The following FRMD4B variants were observed in gnomAD, a reference collection of about 807,000 sequenced individuals.
FRMD4B encodes FERM domain containing 4B.
A neutral mutation model predicts 141.5 loss-of-function variants in FRMD4B; 74 were observed. That is an observed-to-expected ratio of 0.52 (90% CI 0.43 to 0.63). The LOEUF (loss-of-function observed/expected upper bound fraction) is 0.63, where lower values mean the gene tolerates loss of function less well. Ranked by LOEUF, FRMD4B falls within the 30% of genes least tolerant of loss-of-function variation. FRMD4B has a pLI of 0.00. For synonymous variants in FRMD4B, 506 were observed against 467.9 expected, an observed-to-expected ratio of 1.08 and a Z score of -1.05; for missense variants, 1,366 against 1,253.4, an observed-to-expected ratio of 1.09 and a Z score of -1.36.
At chr3:69,277,041 C>T (rs961926956) in intron 5 of FRMD4B, among the ~76,000 whole-genome samples, 3 of 152,052 alleles carry the variant, frequency 2.0e-5, no homozygotes, top group Admixed American at 6.6e-5. Flanking sequence ...AAAGGGCACA[C>T]CTAATAAGGT....
At chr3:69,457,829 C>T (rs1270661212) in intron 1 of FRMD4B, among the ~76,000 whole-genome samples, 1 of 152,192 alleles carries the variant, frequency 6.6e-6, no homozygotes, top group African/African-American at 2.4e-5. Context: ...ACGGTTCTAG[C>T]AATATGGACA....
chr3:69,280,956 G>A (rs553268442), intron 5 of FRMD4B, among the ~76,000 whole-genome samples: 1 of 150,706 alleles, frequency 6.6e-6, no homozygotes, highest in Admixed American at 6.6e-5. Flanking sequence ...GTGAGACAGA[G>A]TTTCACTCTT....
chr3:69,422,639 T>C (rs1192896181), intron 2 of FRMD4B, among the ~76,000 whole-genome samples: 5 of 152,236 alleles, frequency 3.3e-5, no homozygotes, highest in Admixed American at 6.5e-5. Context: ...TATTCATTTC[T>C]GCCTTATTAC....
chr3:69,267,640 G>T (rs1404401649), intron 5 of FRMD4B, among the ~76,000 whole-genome samples: 49 of 30,872 alleles, frequency 1.6e-3, no homozygotes, highest in African/African-American at 6.3e-3. Flanking sequence ...TATATATAGA[G>T]AGAGAGAGAG....
chr3:69,252,699 G>T (rs1388893208), intron 5 of FRMD4B, among the ~76,000 whole-genome samples: 1 of 152,176 alleles, frequency 6.6e-6, no homozygotes, highest in Non-Finnish European at 1.5e-5. Flanking sequence ...AGGATTTCAA[G>T]CCTGAAGTGT....
chr3:69,200,796 A>G (rs1559711119), intron 11 of FRMD4B: 8 of 606,372 alleles, frequency 1.3e-5, no homozygotes, highest in Non-Finnish European at 1.9e-5. Flanking sequence ...AGACATTTCT[A>G]CCCTAGTTTA....
At chr3:69,330,338 GC>G (rs1702324324) in intron 1 of FRMD4B, among the ~76,000 whole-genome samples, 1 of 72,804 alleles carries the variant, frequency 1.4e-5, no homozygotes, top group African/African-American at 6.4e-5. Flanking sequence ...TGATTCTTTT[GC>G]CTTTTTTTTT....
chr3:69,525,997 G>A (rs1030639927), intron 1 of FRMD4B, among the ~76,000 whole-genome samples: 4 of 152,014 alleles, frequency 2.6e-5, no homozygotes, highest in Non-Finnish European at 4.4e-5. Context: ...AGGTGCTTTC[G>A]GCATCCCTCC....
intron 2 of FRMD4B, among the ~76,000 whole-genome samples, chr3:69,403,539 C>A (rs1704602390): frequency 6.6e-6 from 1 of 152,142 alleles, no homozygotes; most frequent in Admixed American, 6.5e-5. Flanking sequence ...GGGAAGCTAA[C>A]CCCATTCCTG....
chr3:69,341,027 A>C, intron 1 of FRMD4B, among the ~76,000 whole-genome samples: 1 of 152,374 alleles, frequency 6.6e-6, no homozygotes, highest in East Asian at 1.9e-4. Flanking sequence ...TTGCATATTC[A>C]TTTTATAAAA....
chr3:69,177,982 G>A (rs193296070), intron 21 of FRMD4B, among the ~76,000 whole-genome samples: 72 of 152,300 alleles, frequency 4.7e-4, no homozygotes, highest in African/African-American at 1.7e-3. Context: ...CAGGAAGAAG[G>A]GATTTAGTTC....
intron 1 of FRMD4B, among the ~76,000 whole-genome samples, chr3:69,518,976 C>T (rs193113628): frequency 6.6e-6 from 1 of 152,276 alleles, no homozygotes; most frequent in East Asian, 1.9e-4. Context: ...GTGTTGACAC[C>T]TCAGATTCCC....
In FRMD4B at chr3:69,181,394, C is replaced by T; in HGVS notation, c.2356G>A (p.Asp786Asn). The T allele has an allele frequency of 1.2e-6, 2 of 1,613,926 alleles. No individual in the cohort carries two copies. Among genetic ancestry groups the T allele is most frequent in the Non-Finnish European group, 8.5e-7 (1 of 1,179,852 alleles). ...SGSMPNLAQK[D>N]SLRNGVYSKS... ...GAGTAAACACCATTCCTCAAACTAT[C>T]CTTTTGTGCTAGGTTGGGCATGCTT... Residue 786 changes from aspartate (D) to asparagine (N), a missense_variant, in exon 21 of 23, where the codon GAT (aspartate) becomes AAT (asparagine). Transcript: ENST00000398540.
At chr3:69,482,392 C>T (rs978568313) in intron 1 of FRMD4B, among the ~76,000 whole-genome samples, 2 of 151,988 alleles carry the variant, frequency 1.3e-5, no homozygotes, top group African/African-American at 4.8e-5. Context: ...TGTGTCTGCT[C>T]CCACACTTAA....
chr3:69,233,981 T>G (rs1225735106), intron 7 of FRMD4B, among the ~76,000 whole-genome samples: 3 of 152,172 alleles, frequency 2.0e-5, no homozygotes, highest in African/African-American at 4.8e-5. Flanking sequence ...GCGTAGTAGC[T>G]CATGTCTGTA....
At position 69,350,573 on chromosome 3, in the gene FRMD4B, C is replaced by G. The variant is rs563145717; in HGVS notation, c.162+35255G>C. On this transcript the variant is annotated intron_variant, in intron 1 of 22. Transcript: ENST00000398540. The stretch of plus-strand genomic sequence containing the variant: ...ACAATAGCAAAGACTTGGAACCAAT[C>G]CAAATGTCCAACAGTGATAGACTGG... 3.3e-5 allele frequency among the ~76,000 whole-genome samples: 5 copies of G among 152,142 alleles called. No individual in the cohort carries two copies. The East Asian group carries it at 7.7e-4, about 23-fold the overall frequency.
intron 1 of FRMD4B, among the ~76,000 whole-genome samples, chr3:69,447,480 T>G (rs1705426851): frequency 6.6e-6 from 1 of 152,218 alleles, no homozygotes; most frequent in African/African-American, 2.4e-5. Context: ...CCATTTTAAG[T>G]GTGGAGTTAA....
chr3:69,222,720 G>A lies in FRMD4B; in HGVS notation c.666-797C>T, dbSNP rs534129485. On this transcript the variant is annotated intron_variant, in intron 8 of 22. Transcript: ENST00000398540. Reference sequence around the variant, plus strand: ...CAGGAGGTGGAGGCTGCAGTGAGCCGAGCTTGCGCCATTGCACTCCAGCCT... The same window carrying A: ...CAGGAGGTGGAGGCTGCAGTGAGCCAAGCTTGCGCCATTGCACTCCAGCCT... Among the ~76,000 whole-genome samples the A allele has an allele frequency of 1.4e-4, 21 of 152,226 alleles. No individual in the cohort carries two copies. The South Asian group carries it at 2.7e-3, about 20-fold the overall frequency.
chr3:69,302,814 T>C (rs1348237002), intron 3 of FRMD4B, among the ~76,000 whole-genome samples: 1 of 152,222 alleles, frequency 6.6e-6, no homozygotes, highest in African/African-American at 2.4e-5. Flanking sequence ...GGCTCATGCC[T>C]GTAATCCCAG....
Sources: allele counts gnomAD v4.1 joint callset (sites outside exome capture counted in the v4.1 genomes callset), GRCh38; gene constraint gnomAD v4.1.1; transcripts MANE v1.5; gene names NCBI Gene and HGNC (gene_info 2026-07-23, HGNC 2026-07-21).